The following HHLA1 variants were observed in gnomAD, a reference collection of about 807,000 sequenced individuals.
HHLA1 encodes HERV-H LTR-associating protein 1.
Under a neutral mutation model 69.9 loss-of-function variants are expected in HHLA1, and 72 were observed. That is an observed-to-expected ratio of 1.03 (90% CI 0.85 to 1.25). The LOEUF (loss-of-function observed/expected upper bound fraction) is 1.25, where lower values mean the gene tolerates loss of function less well. HHLA1 is among the 50% of genes most tolerant of loss of function. HHLA1 has a pLI of 0.00. For missense variants in HHLA1, 685 were observed against 642.2 expected (o/e 1.07, Z -0.72); for synonymous variants, 252 against 233.2 (o/e 1.08, Z -0.73).
intron 1 of HHLA1, among the ~76,000 whole-genome samples, chr8:132,105,535 A>G (rs891544086): frequency 1.3e-5 from 2 of 152,208 alleles, no homozygotes; most frequent in Non-Finnish European, 2.9e-5. Context: ...ATAGTCACTC[A>G]GGGACCCCAG....
At chr8:132,064,125 A>G in intron 16 of HHLA1, 87 bp from the exon 17 acceptor site, 1 of 824,670 alleles carries the variant, frequency 1.2e-6, no homozygotes, top group African/African-American at 1.8e-5. Context: ...TGTCGCCAAC[A>G]AGGGTCTAGC....
Position 132,085,094 on chromosome 8 carries a change from C to G in HHLA1, c.676+2559G>C, listed in dbSNP as rs182895384. ...TTGCCCCTTCCCCAGAAAAGTGGGA[C>G]TTGCCGCTAAGGGTGAAGGACCAAG... On this transcript the variant is annotated intron_variant, in intron 10 of 16. Coordinates refer to ENST00000414222, the MANE Select transcript of HHLA1 (RefSeq NM_001145095.3). Among the ~76,000 whole-genome samples, 559 of 152,236 alleles carry G rather than the reference C, an allele frequency of 3.7e-3. 5 individuals are homozygous for G. The highest frequency in any genetic ancestry group is 0.012 in the African/African-American group (509 of 41,528).
chr8:132,087,970 GA>G, intron 8 of HHLA1, 69 bp from the exon 9 acceptor site: 1 of 1,231,746 alleles, frequency 8.1e-7, no homozygotes, highest in Non-Finnish European at 1.2e-6. Context: ...TGATTGAAAT[GA>G]AAATTAAGTT....
intron 10 of HHLA1, among the ~76,000 whole-genome samples, chr8:132,085,007 T>A (rs1046651142): frequency 6.8e-6 from 1 of 146,064 alleles, no homozygotes; most frequent in African/African-American, 2.6e-5. Context: ...TTGAGGGGTA[T>A]TTGCCCCTGC....
At chr8:132,083,508 C>G (rs1374792568) in intron 10 of HHLA1, among the ~76,000 whole-genome samples, 2 of 152,172 alleles carry the variant, frequency 1.3e-5, no homozygotes. Flanking sequence ...TCTTCAGCCG[C>G]TAAGCCAAGA....
intron 7 of HHLA1, among the ~76,000 whole-genome samples, chr8:132,091,593 T>C (rs571525930): frequency 1.3e-5 from 2 of 152,378 alleles, no homozygotes; most frequent in South Asian, 2.1e-4. Flanking sequence ...AGATATTCTT[T>C]GCATTTATGA....
chr8:132,105,445 T>C (rs1824188888), intron 1 of HHLA1, among the ~76,000 whole-genome samples, 159 bp from the exon 2 acceptor site: 2 of 152,214 alleles, frequency 1.3e-5, no homozygotes, highest in Admixed American at 1.3e-4. Context: ...AACTCCACAA[T>C]TTAATTGGCT....
chr8:132,095,091 C>T (rs936723512), intron 7 of HHLA1, among the ~76,000 whole-genome samples: 2 of 152,178 alleles, frequency 1.3e-5, no homozygotes, highest in East Asian at 1.9e-4. Flanking sequence ...ATCTGGTGCC[C>T]ACATATGTGT....
chr8:132,095,164 T>C (rs1424626269), intron 7 of HHLA1, among the ~76,000 whole-genome samples: 1 of 152,218 alleles, frequency 6.6e-6, no homozygotes. Context: ...ATTAAAAATC[T>C]CTTGGAAGCT....
chr8:132,079,390 A>G (rs959180146), intron 11 of HHLA1, among the ~76,000 whole-genome samples: 11 of 152,268 alleles, frequency 7.2e-5, no homozygotes, highest in African/African-American at 2.4e-4. Flanking sequence ...TGATTATGTA[A>G]GACATTAGCA....
In HHLA1 at chr8:132,100,076, C is replaced by T. The variant is rs77008582; in HGVS notation, c.198G>A (p.Thr66=). 3,529 of 1,551,240 alleles carry T rather than the reference C, an allele frequency of 2.3e-3. 82 individuals are homozygous for T. The African/African-American group carries it at 0.042, about 18-fold the overall frequency. ...KEKGVAFLAT[T]ELPARSIDLS... Reference sequence around the variant, plus strand: ...GGGATTTGGGGGAGCGGCACTCACCCGTCGTAGCAAGAAATGCCACCCCCT... The same window carrying T: ...GGGATTTGGGGGAGCGGCACTCACCTGTCGTAGCAAGAAATGCCACCCCCT... The change falls in exon 4 of 17, where the codon ACG becomes ACA. Residue 66 remains threonine (T), a splice_region_variant and synonymous_variant. Coordinates refer to ENST00000414222, the MANE Select transcript of HHLA1 (RefSeq NM_001145095.3).
intron 14 of HHLA1, among the ~76,000 whole-genome samples, chr8:132,074,319 T>C (rs1823598391): frequency 6.6e-6 from 1 of 151,988 alleles, no homozygotes; most frequent in African/African-American, 2.4e-5. Flanking sequence ...CTCTTTTTTT[T>C]CAATTGCAGC....
chr8:132,104,847 G>A (rs576253486), intron 2 of HHLA1, among the ~76,000 whole-genome samples: 1 of 152,236 alleles, frequency 6.6e-6, no homozygotes, highest in East Asian at 1.9e-4. Flanking sequence ...GACCTAACAA[G>A]ATTTATGAAA....
chr8:132,100,139 G>A lies in HHLA1; in HGVS notation c.140-5C>T, dbSNP rs1217889295. 1.3e-6 allele frequency: 2 copies of A among 1,548,072 alleles called. No homozygotes were observed. The highest frequency in any genetic ancestry group is 1.4e-5 in the African/African-American group (1 of 72,970). On this transcript the variant is annotated splice_region_variant and splice_polypyrimidine_tract_variant and intron_variant, in intron 3 of 16. Transcript: ENST00000414222. ...CTTCTTCTCTAAGGCCAGACACTGG[G>A]AAGGAGACAGTTTTCATGAGAAAAA...
At chr8:132,108,624 A>G (rs1824244980) in intron 1 of HHLA1, among the ~76,000 whole-genome samples, 1 of 152,162 alleles carries the variant, frequency 6.6e-6, no homozygotes, top group Admixed American at 6.5e-5. Context: ...GCCAAAATAT[A>G]CTATCCCCTA....
intron 15 of HHLA1, 74 bp downstream of exon 15, chr8:132,071,266 G>A (rs1476161470): frequency 6.6e-6 from 9 of 1,369,138 alleles, no homozygotes; most frequent in Non-Finnish European, 8.0e-6. Flanking sequence ...CTGCCTTGTG[G>A]CCTGCAGAAA....
intron 10 of HHLA1, among the ~76,000 whole-genome samples, 169 bp downstream of exon 10, chr8:132,087,484 C>T (rs1304766378): frequency 6.6e-6 from 1 of 152,112 alleles, no homozygotes; most frequent in African/African-American, 2.4e-5. Flanking sequence ...ATTGCCAGAC[C>T]TTTTGCAAGA....
intron 10 of HHLA1, among the ~76,000 whole-genome samples, chr8:132,082,329 A>G (rs1313905837): frequency 5.9e-5 from 9 of 152,344 alleles, no homozygotes; most frequent in African/African-American, 1.7e-4. Context: ...GCACGCAGAC[A>G]TGAGGGCTAG....
In HHLA1 at chr8:132,098,892, T is replaced by G; in HGVS notation, c.270A>C (p.Arg90Ser). 2 of 1,548,474 alleles carry G rather than the reference T, an allele frequency of 1.3e-6. No homozygotes were observed. Among genetic ancestry groups the G allele is most frequent in the South Asian group, 2.4e-5 (2 of 83,958 alleles). The stretch of plus-strand genomic sequence containing the variant: ...TTAAAATATGATTACCTTTTAACGC[T>G]CTACTGAGCATCCCATTCACAAGCT... ...LTELVNGMLS[R>S]ALKDSKKFFS... Residue 90 changes from arginine to serine, a missense_variant, in exon 5 of 17, where the codon AGA (arginine) becomes AGC (serine). Coordinates refer to ENST00000414222, the MANE Select transcript of HHLA1 (RefSeq NM_001145095.3).
Sources: gnomAD v4.1 joint callset for allele counts (sites outside exome capture counted in the v4.1 genomes callset) on GRCh38, gnomAD v4.1.1 for gene constraint, MANE v1.5 for transcripts, NCBI Gene and HGNC (gene_info 2026-07-23, HGNC 2026-07-21) for gene names.